Variants in PNKD observed in about 807,000 individuals in gnomAD.
PNKD encodes the protein probable thioesterase PNKD.
Under a neutral mutation model 45.3 loss-of-function variants are expected in PNKD, and 36 were observed. The ratio of observed to expected loss-of-function variants is 0.80; its 90% CI spans 0.61 to 1.05. The LOEUF is 1.05. Ranked by LOEUF, PNKD falls within the 50% of genes least tolerant of loss-of-function variation. The probability of loss-of-function intolerance (pLI) is 0.00; values close to 1 mark genes in which losing one functional copy is unlikely to be tolerated. For synonymous variants in PNKD, 197 were observed against 210.1 expected, an observed-to-expected ratio of 0.94 and a Z score of 0.54; for missense variants, 511 against 506.6, an observed-to-expected ratio of 1.01 and a Z score of -0.08.
intron 2 of PNKD, among the ~76,000 whole-genome samples, chr2:218,276,664 T>C (rs1005750022): frequency 3.9e-5 from 6 of 152,160 alleles, no homozygotes; most frequent in Non-Finnish European, 8.8e-5. Flanking sequence ...CCCTTCCACC[T>C]AGGCCCATCA....
intron 2 of PNKD, among the ~76,000 whole-genome samples, chr2:218,313,350 A>T (rs1367374493): frequency 3.3e-5 from 5 of 152,114 alleles, no homozygotes; most frequent in Non-Finnish European, 7.3e-5. Flanking sequence ...ACCTCAGGTG[A>T]TCCACCTGCC....
At chr2:218,335,659 A>G (rs910107335) in intron 2 of PNKD, among the ~76,000 whole-genome samples, 2 of 152,134 alleles carry the variant, frequency 1.3e-5, no homozygotes, top group African/African-American at 4.8e-5. Context: ...AAAAAAAAAG[A>G]AGGCCTACGA....
intron 2 of PNKD, among the ~76,000 whole-genome samples, chr2:218,322,631 C>A (rs1694018052): frequency 6.6e-6 from 1 of 152,192 alleles, no homozygotes; most frequent in Admixed American, 6.5e-5. Flanking sequence ...CATATCATTG[C>A]CCCCTCCTTG....
At chr2:218,293,602 T>TTTC (rs56393839) in intron 2 of PNKD, among the ~76,000 whole-genome samples, 5 of 147,414 alleles carry the variant, frequency 3.4e-5, no homozygotes, top group African/African-American at 1.3e-4. Flanking sequence ...TTTTTTTTTT[T>TTTC]CCAGACAGGG....
chr2:218,277,354 C>G (rs749606830), intron 2 of PNKD: 15 of 1,612,242 alleles, frequency 9.3e-6, no homozygotes, highest in Non-Finnish European at 1.3e-5. Flanking sequence ...GAAGGGCCCT[C>G]CATGCCCTCA....
chr2:218,281,845 G>T, intron 2 of PNKD: 1 of 980,414 alleles, frequency 1.0e-6, no homozygotes, highest in South Asian at 1.4e-5. Flanking sequence ...GGATTTAAGG[G>T]AAACTAGAAG....
At position 218,270,572 on chromosome 2, in the gene PNKD, C is replaced by T. The variant is rs886055619; in HGVS notation, c.37C>T (p.Arg13Trp). 5 of 1,193,634 alleles carry T rather than the reference C, an allele frequency of 4.2e-6. No homozygotes were observed. In the East Asian group the frequency reaches 1.2e-4, roughly 29 times the overall value. The allele number at this position is 1,193,634 out of a possible 1,614,324, so 73.9% of individuals were successfully genotyped here. ...GGTAGCTGCTACGGCGCTGAAGGGCCGGGGGGCGAGAAATGCCCGCGTCCT... is the reference window on the plus strand; with the variant it reads ...GGTAGCTGCTACGGCGCTGAAGGGCTGGGGGGCGAGAAATGCCCGCGTCCT... ...AVVAATALKG[R>W]GARNARVLRG... Residue 13 changes from arginine to tryptophan, a missense_variant, in exon 1 of 10, where the codon CGG becomes TGG. Transcript: ENST00000273077.
chr2:218,276,088 G>T (rs1448532487), intron 2 of PNKD: 11 of 1,612,254 alleles, frequency 6.8e-6, no homozygotes, highest in African/African-American at 1.3e-5. Context: ...ACCTGGAGAA[G>T]AAGGGGACAG....
At chr2:218,344,736 C>T (rs1694780450) in intron 9 of PNKD, 72 bp from the exon 10 acceptor site, 14 of 1,505,212 alleles carry the variant, frequency 9.3e-6, no homozygotes, top group South Asian at 3.4e-5. Context: ...GGGCAGGGGT[C>T]GGGTCAGGCT....
chr2:218,312,111 G>A (rs1693632032), intron 2 of PNKD, among the ~76,000 whole-genome samples: 2 of 152,200 alleles, frequency 1.3e-5, no homozygotes, highest in African/African-American at 4.8e-5. Flanking sequence ...TAAAGTTACA[G>A]GTTAACAGCG....
chr2:218,314,729 G>A (rs1176416541), intron 2 of PNKD, among the ~76,000 whole-genome samples: 8 of 149,860 alleles, frequency 5.3e-5, no homozygotes, highest in East Asian at 2.0e-4. Flanking sequence ...TCACTCTGTC[G>A]CCCAGGCTGG....
intron 2 of PNKD, among the ~76,000 whole-genome samples, chr2:218,297,802 A>G (rs1693181529): frequency 6.6e-6 from 1 of 151,530 alleles, no homozygotes; most frequent in Non-Finnish European, 1.5e-5. Context: ...GATCGAGACC[A>G]TCCTGGCTAA....
At chr2:218,290,702 A>G (rs550731135) in intron 2 of PNKD, among the ~76,000 whole-genome samples, 1 of 152,298 alleles carries the variant, frequency 6.6e-6, no homozygotes, top group East Asian at 1.9e-4. Context: ...GCTCATTAAT[A>G]TCTCCCTTCC....
At chr2:218,277,284 G>A (rs1691314874) in intron 2 of PNKD, 1 of 1,346,882 alleles carries the variant, frequency 7.4e-7, no homozygotes, top group South Asian at 1.2e-5. Context: ...AGGTCTCTAG[G>A]GAACATCCCT....
chr2:218,346,789 C>A lies in PNKD; in HGVS notation c.*1808C>A, dbSNP rs1173421032. On this transcript the variant is annotated 3_prime_UTR_variant, in exon 10 of 10. Coordinates refer to ENST00000273077, the MANE Select transcript of PNKD (RefSeq NM_015488.5). Reference sequence around the variant, plus strand: ...ATGTTGAATGAATGAATGATTTAATCAAGACTTGATCACCCAACAGCTTGT... The same window carrying A: ...ATGTTGAATGAATGAATGATTTAATAAAGACTTGATCACCCAACAGCTTGT... The A allele has an allele frequency of 6.5e-6, 1 of 153,948 alleles. No homozygotes were observed. Among genetic ancestry groups the A allele is most frequent in the Non-Finnish European group, 1.5e-5 (1 of 68,056 alleles). The allele number at this position is 153,948 out of a possible 1,614,324, so 9.5% of individuals were successfully genotyped here. A position where few individuals can be genotyped will look rare whatever the true frequency, so the allele number is the denominator to read the frequency against.
Position 218,345,048 on chromosome 2 carries a change from A to G in PNKD, c.*67A>G. 2 of 1,237,338 alleles carry G rather than the reference A, an allele frequency of 1.6e-6. No homozygotes were observed. The highest frequency in any genetic ancestry group is 2.3e-6 in the Non-Finnish European group (2 of 870,848). The allele number at this position is 1,237,338 out of a possible 1,614,324, so 76.6% of individuals were successfully genotyped here. On this transcript the variant is annotated 3_prime_UTR_variant, in exon 10 of 10. Transcript: ENST00000273077. ...AGGCCGCCACCACCAACACCTCATC[A>G]TCCTTCTCATCGCTAACACCACCAC...
At chr2:218,291,017 T>C (rs962735641) in intron 2 of PNKD, among the ~76,000 whole-genome samples, 1 of 152,204 alleles carries the variant, frequency 6.6e-6, no homozygotes, top group African/African-American at 2.4e-5. Flanking sequence ...CTGCTTTTTC[T>C]GAAAGGCCCA....
intron 2 of PNKD, among the ~76,000 whole-genome samples, chr2:218,299,162 C>A (rs1375996709): frequency 1.3e-5 from 2 of 151,832 alleles, no homozygotes; most frequent in Non-Finnish European, 2.9e-5. Context: ...CTGAGTTTCG[C>A]TTTTGTCACC....
At position 218,341,581 on chromosome 2, in the gene PNKD, G is replaced by A; in HGVS notation, c.572G>A (p.Cys191Tyr). 1 of 1,599,640 alleles carries A rather than the reference G, an allele frequency of 6.3e-7. No individual in the cohort carries two copies. The highest frequency in any genetic ancestry group is 2.3e-5 in the East Asian group (1 of 44,090). The change falls in exon 6 of 10, where the codon TGT (cysteine) becomes TAT (tyrosine). Residue 191 changes from cysteine to tyrosine, a missense_variant. Transcript: ENST00000273077. The part of the protein sequence containing the change: ...NRDLSRRHRD[C>Y]RVYGSPQDGI... ...GACCTCAGCCGGCGGCACCGGGACT[G>A]TCGGGTGTACGGGAGCCCTCAGGAC...
Sources: allele counts gnomAD v4.1 joint callset (sites outside exome capture counted in the v4.1 genomes callset), GRCh38; gene constraint gnomAD v4.1.1; transcripts MANE v1.5; gene names NCBI Gene and HGNC (gene_info 2026-07-23, HGNC 2026-07-21).